Variants in SORCS2 observed in about 807,000 individuals in gnomAD.
SORCS2 encodes the protein VPS10 domain-containing receptor SorCS2.
A neutral mutation model predicts 141.6 loss-of-function variants in SORCS2; 100 were observed. The ratio of observed to expected loss-of-function variants is 0.71; its 90% CI spans 0.60 to 0.83. SORCS2 has a LOEUF of 0.83. Among genes scored for constraint, SORCS2 ranks in the 40% least tolerant of loss-of-function variants. The pLI, the probability that SORCS2 is intolerant of heterozygous loss-of-function variation, is 0.00. For missense variants in SORCS2, 1,646 were observed against 1,560.2 expected (o/e 1.05, Z -0.93); for synonymous variants, 789 against 676.9 (o/e 1.17, Z -2.57).
intron 4 of SORCS2, among the ~76,000 whole-genome samples, chr4:7,640,062 TG>T (rs1158244122): frequency 2.6e-5 from 4 of 151,666 alleles, no homozygotes; most frequent in African/African-American, 7.3e-5. Flanking sequence ...TGAGTGTGTG[TG>T]TTTATGAGTG....
intron 5 of SORCS2, among the ~76,000 whole-genome samples, chr4:7,660,854 G>C (rs1722117276): frequency 6.6e-6 from 1 of 152,182 alleles, no homozygotes; most frequent in Non-Finnish European, 1.5e-5. Flanking sequence ...AAAGGATTCA[G>C]GCAAATCCCT....
Position 7,255,245 on chromosome 4 carries a change from C to G in SORCS2, c.480+62119C>G, listed in dbSNP as rs543534177. On this transcript the variant is annotated intron_variant, in intron 1 of 26. Transcript: ENST00000507866. Reference sequence around the variant, plus strand: ...TAACCAGTGCTTCCCGGGCAGTTTCCGTGGGCCTTGGGAGAATCTAACAGG... The same window carrying G: ...TAACCAGTGCTTCCCGGGCAGTTTCGGTGGGCCTTGGGAGAATCTAACAGG... Among the ~76,000 whole-genome samples, 6 of 152,086 alleles carry G rather than the reference C, an allele frequency of 3.9e-5. No homozygotes were observed. In the South Asian group the frequency reaches 1.0e-3, roughly 26 times the overall value.
At position 7,536,508 on chromosome 4, in the gene SORCS2, C is replaced by G. The variant is rs569165199; in HGVS notation, c.648+4879C>G. Reference sequence around the variant, plus strand: ...AAGAAGAGACTCAGGAGGTACAGGGCTGGTCTTCAGACACCTGCATGGTGG... The same window carrying G: ...AAGAAGAGACTCAGGAGGTACAGGGGTGGTCTTCAGACACCTGCATGGTGG... On this transcript the variant is annotated intron_variant, in intron 3 of 26. Transcript: ENST00000507866. Among the ~76,000 whole-genome samples, 3 of 152,286 alleles carry G rather than the reference C, an allele frequency of 2.0e-5. No homozygotes were observed. The East Asian group carries it at 5.8e-4, about 29-fold the overall frequency.
intron 2 of SORCS2, among the ~76,000 whole-genome samples, chr4:7,515,060 C>T (rs893772577): frequency 6.6e-6 from 1 of 152,196 alleles, no homozygotes; most frequent in South Asian, 2.1e-4. Context: ...CTGCCAGAGG[C>T]CTTCTGCTTC....
At chr4:7,355,530 G>A (rs1577437853) in intron 1 of SORCS2, among the ~76,000 whole-genome samples, 1 of 152,214 alleles carries the variant, frequency 6.6e-6, no homozygotes, top group Middle Eastern at 3.4e-3. Flanking sequence ...AGGGCCCCAG[G>A]TGCCTTCACC....
At chr4:7,629,569 C>T (rs1719744484) in intron 3 of SORCS2, among the ~76,000 whole-genome samples, 1 of 151,302 alleles carries the variant, frequency 6.6e-6, no homozygotes. Flanking sequence ...CAACCCCCCT[C>T]GCTCCCCACC....
chr4:7,224,060 G>A (rs1728864060), intron 1 of SORCS2, among the ~76,000 whole-genome samples: 2 of 152,218 alleles, frequency 1.3e-5, no homozygotes, highest in Admixed American at 1.3e-4. Context: ...GGGGGTCCCA[G>A]GGCTGGTGGG....
chr4:7,242,038 CCT>C (rs1214704478), intron 1 of SORCS2, among the ~76,000 whole-genome samples: 2 of 152,136 alleles, frequency 1.3e-5, no homozygotes, highest in Non-Finnish European at 2.9e-5. Flanking sequence ...AAGCTACCTA[CCT>C]CTCTGTTATT....
intron 3 of SORCS2, among the ~76,000 whole-genome samples, chr4:7,637,194 TC>T (rs746041820): frequency 7.2e-5 from 11 of 152,194 alleles, no homozygotes; most frequent in Non-Finnish European, 1.3e-4. Flanking sequence ...TGTTGACGAA[TC>T]TTTTTGGGGT....
chr4:7,286,601 C>T lies in SORCS2; in HGVS notation c.480+93475C>T, dbSNP rs747671590. 5.9e-5 allele frequency among the ~76,000 whole-genome samples: 9 copies of T among 152,184 alleles called. No homozygotes were observed. The highest frequency in any genetic ancestry group is 8.8e-5 in the Non-Finnish European group (6 of 68,036). Reference sequence around the variant, plus strand: ...CCCATTCGGTCCCAGGCCAGCCCCCCGTATCTTACGGATGGAGGACACAGG... The same window carrying T: ...CCCATTCGGTCCCAGGCCAGCCCCCTGTATCTTACGGATGGAGGACACAGG... On this transcript the variant is annotated intron_variant, in intron 1 of 26. Coordinates refer to ENST00000507866, the MANE Select transcript of SORCS2 (RefSeq NM_020777.3). This position sits in a 1 kb window ranked among gnomAD's most constrained non-coding sequence, Gnocchi z 4.1.
At chr4:7,387,483 ATAC>A (rs1162545585) in intron 1 of SORCS2, among the ~76,000 whole-genome samples, 2 of 118,382 alleles carry the variant, frequency 1.7e-5, no homozygotes, top group African/African-American at 3.5e-5. Context: ...ACACATGCAC[ATAC>A]ATACACATGC....
At chr4:7,631,636 G>C (rs2108849088) in intron 3 of SORCS2, among the ~76,000 whole-genome samples, 1 of 152,230 alleles carries the variant, frequency 6.6e-6, no homozygotes, top group South Asian at 2.1e-4. Flanking sequence ...TCTGTCTGCT[G>C]TGACCCCCCC....
At chr4:7,402,728 G>A (rs1270156544) in intron 2 of SORCS2, among the ~76,000 whole-genome samples, 2 of 152,174 alleles carry the variant, frequency 1.3e-5, no homozygotes, top group Non-Finnish European at 2.9e-5. Context: ...ACACCTTGGA[G>A]TCATCAGACT....
intron 2 of SORCS2, among the ~76,000 whole-genome samples, chr4:7,461,233 G>T (rs1044205862): frequency 6.6e-6 from 1 of 152,170 alleles, no homozygotes; most frequent in Admixed American, 6.5e-5. Flanking sequence ...TCCCTCTGCC[G>T]TCACAGGACT....
chr4:7,678,100 C>T (rs968302395), intron 9 of SORCS2, among the ~76,000 whole-genome samples: 1 of 152,232 alleles, frequency 6.6e-6, no homozygotes, highest in Non-Finnish European at 1.5e-5. Flanking sequence ...ACCATTCACC[C>T]CTCATGAAGC....
At position 7,723,552 on chromosome 4, in the gene SORCS2, C is replaced by G. The variant is rs531929040; in HGVS notation, c.2425-145C>G. 40 of 890,564 alleles carry G rather than the reference C, an allele frequency of 4.5e-5. No homozygotes were observed. In the African/African-American group the frequency reaches 6.5e-4, roughly 14 times the overall value. The allele number at this position is 890,564 out of a possible 1,614,324, so 55.2% of individuals were successfully genotyped here. On this transcript the variant is annotated intron_variant, in intron 18 of 26. Coordinates refer to ENST00000507866, the MANE Select transcript of SORCS2 (RefSeq NM_020777.3). ...TCCAGGGCAGAACCAGGCCCGGTCT[C>G]CTGTGGGTCCCCAGAGCCCACTCAT... is the stretch of plus-strand genomic sequence containing the variant.
intron 3 of SORCS2, among the ~76,000 whole-genome samples, chr4:7,607,308 C>T (rs918751011): frequency 4.6e-5 from 7 of 152,180 alleles, no homozygotes; most frequent in African/African-American, 9.7e-5. Context: ...TCCACGCAGA[C>T]GCTTTTGGAG....
intron 1 of SORCS2, among the ~76,000 whole-genome samples, chr4:7,343,252 G>T (rs147899263): frequency 6.6e-6 from 1 of 152,228 alleles, no homozygotes; most frequent in East Asian, 1.9e-4. Flanking sequence ...ATACCACATC[G>T]TTGCTGGGGC....
At chr4:7,205,695 A>C (rs938064255) in intron 1 of SORCS2, among the ~76,000 whole-genome samples, 1 of 152,216 alleles carries the variant, frequency 6.6e-6, no homozygotes, top group Admixed American at 6.5e-5. Context: ...TCTGCATCCA[A>C]GTTCATGGGT....
Sources: gnomAD v4.1 joint callset for allele counts (sites outside exome capture counted in the v4.1 genomes callset) on GRCh38, gnomAD v4.1.1 for gene constraint, Gnocchi (gnomAD v3.1) non-coding constraint, MANE v1.5 for transcripts, NCBI Gene and HGNC (gene_info 2026-07-23, HGNC 2026-07-21) for gene names.